Variants in ITGA3 observed in about 807,000 individuals in gnomAD.
ITGA3 encodes integrin alpha-3.
A neutral mutation model predicts 131.1 loss-of-function variants in ITGA3; 70 were observed. That is an observed-to-expected ratio of 0.53 (90% CI 0.44 to 0.65). ITGA3 has a LOEUF of 0.65. Ranked by LOEUF, ITGA3 falls within the 30% of genes least tolerant of loss-of-function variation. ITGA3 has a pLI of 0.00. For missense variants in ITGA3, 1,098 were observed against 1,388.6 expected (o/e 0.79, Z 3.33); for synonymous variants, 537 against 571.6 (o/e 0.94, Z 0.86).
Position 50,072,189 on chromosome 17 carries a change from G to GCCAGCACTCCTCCC in ITGA3, c.1156+15_1156+28dup, listed in dbSNP as rs1567699739. 6.2e-7 allele frequency: 1 copy of GCCAGCACTCCTCCC among 1,609,488 alleles called. No homozygotes were observed. Among genetic ancestry groups the GCCAGCACTCCTCCC allele is most frequent in the East Asian group, 2.2e-5 (1 of 44,828 alleles). On this transcript the variant is annotated splice_region_variant and intron_variant, in intron 7 of 25. Coordinates refer to ENST00000320031, the MANE Select transcript of ITGA3 (RefSeq NM_002204.4). The stretch of plus-strand genomic sequence containing the variant: ...AACCAGGATGGATTTCAGGGTATGA[G>GCCAGCACTCCTCCC]CCAGCACTCCTCCCCCAGCACCCCT...
chr17:50,075,399 G>C (rs900001567), intron 10 of ITGA3, 60 bp from the exon 11 acceptor site: 1 of 1,563,146 alleles, frequency 6.4e-7, no homozygotes, highest in African/African-American at 1.4e-5. Flanking sequence ...AGAGGCGAGA[G>C]CTAGGGCCTG....
At chr17:50,071,566 G>A (rs1266718755) in intron 6 of ITGA3, 48 bp downstream of exon 6, 3 of 1,518,740 alleles carry the variant, frequency 2.0e-6, no homozygotes, top group South Asian at 2.4e-5. Flanking sequence ...CGATGGGCGG[G>A]GGAAGGCTTA....
rs1282931081 is a variant in ITGA3 at position 50,088,381 on chromosome 17, G to A, written c.*31+15G>A. 4.9e-6 allele frequency: 7 copies of A among 1,420,172 alleles called. No homozygotes were observed. The highest frequency in any genetic ancestry group is 4.3e-5 in the African/African-American group (3 of 70,548). The allele number at this position is 1,420,172 out of a possible 1,614,324, so 88.0% of individuals were successfully genotyped here. Reference sequence around the variant, plus strand: ...GGCCCACCTGGGTAACACGGCCTCCGGGCCCCCTTCCCCGAGCCCCACAGC... The same window carrying A: ...GGCCCACCTGGGTAACACGGCCTCCAGGCCCCCTTCCCCGAGCCCCACAGC... On this transcript the variant is annotated intron_variant, in intron 25 of 25. Coordinates refer to ENST00000320031, the MANE Select transcript of ITGA3 (RefSeq NM_002204.4).
At chr17:50,074,765 A>T (rs551866634) in intron 10 of ITGA3, among the ~76,000 whole-genome samples, 66 of 152,276 alleles carry the variant, frequency 4.3e-4, no homozygotes, top group African/African-American at 1.5e-3. Context: ...GGAGCTCTGG[A>T]CGGCCTGGTT....
chr17:50,086,592 A>T (rs1164778294), intron 23 of ITGA3: 1 of 149,100 alleles, frequency 6.7e-6, no homozygotes, highest in African/African-American at 2.5e-5. Flanking sequence ...GGGAGGCTGC[A>T]GCAGGAGAAT....
intron 22 of ITGA3, among the ~76,000 whole-genome samples, chr17:50,080,870 A>T (rs1909158438): frequency 6.6e-6 from 1 of 152,092 alleles, no homozygotes; most frequent in South Asian, 2.1e-4. Context: ...ATCTAGACCA[A>T]ACTTTTTCTG....
intron 23 of ITGA3, chr17:50,087,508 C>A: frequency 2.1e-6 from 1 of 467,526 alleles, no homozygotes; most frequent in Non-Finnish European, 3.9e-6. Context: ...ACCCAGACTC[C>A]AGGCCACCTC....
At chr17:50,087,553 G>C (rs1598200396) in intron 23 of ITGA3, 191 bp from the exon 24 acceptor site, 2 of 578,890 alleles carry the variant, frequency 3.5e-6, no homozygotes, top group South Asian at 5.1e-5. Context: ...AGTCAAGTCT[G>C]TGCCTGGGAG....
chr17:50,057,837 G>A (rs1567695042), intron 1 of ITGA3, among the ~76,000 whole-genome samples: 6 of 152,160 alleles, frequency 3.9e-5, no homozygotes, highest in African/African-American at 7.2e-5. Flanking sequence ...CTCTGCCCCC[G>A]CCTTGGTTCT....
chr17:50,082,258 A>G (rs7406303), intron 23 of ITGA3, among the ~76,000 whole-genome samples: 100,349 of 152,028 alleles, frequency 0.66, 35,162 homozygotes, highest in Non-Finnish European at 0.8. Context: ...TGATCACTGC[A>G]AGCTCTGCCT....
intron 25 of ITGA3, 69 bp downstream of exon 25, chr17:50,088,435 G>T (rs958579264): frequency 3.8e-6 from 3 of 788,856 alleles, no homozygotes; most frequent in Admixed American, 2.2e-5. Flanking sequence ...TGTCCTATCT[G>T]CTCCTCTTCC....
Position 50,070,902 on chromosome 17 carries a change from C to T in ITGA3, c.723C>T (p.Asp241=). ...EWDLSEYSYK[D]PEDQGNLYIG... ...ACTTATCTGAGTATAGTTACAAGGA[C>T]CCAGAGGACCAAGGAAACCTCTATA... The change falls in exon 5 of 26, where the codon GAC becomes GAT. Residue 241 remains aspartate, a synonymous_variant. Coordinates refer to ENST00000320031, the MANE Select transcript of ITGA3 (RefSeq NM_002204.4). 3.1e-6 allele frequency: 5 copies of T among 1,610,804 alleles called. No homozygotes were observed. Among genetic ancestry groups the T allele is most frequent in the Non-Finnish European group, 4.2e-6 (5 of 1,177,202 alleles).
chr17:50,078,062 C>T lies in ITGA3; in HGVS notation c.2156C>T (p.Ala719Val). The change falls in exon 17 of 26, where the codon GCC becomes GTC. Residue 719 changes from alanine to valine, a missense_variant. Ala to Val is a moderately conservative substitution (Grantham distance 64). This residue lies in a region of ITGA3 where 699 missense variants were observed against 829.2 expected (regional missense o/e 0.84). Transcript: ENST00000320031. ...TTGTGGCAGATGGAGCTGCTCATCG[C>T]CTTTGAGGTCATCGGGGTGACCCTG... ...KRNQRMELLIAFEVIGVTLHT... is the reference protein window; with the variant it reads ...KRNQRMELLIVFEVIGVTLHT... The T allele has an allele frequency of 6.2e-7, 1 of 1,613,130 alleles. No individual in the cohort carries two copies. Among genetic ancestry groups the T allele is most frequent in the East Asian group, 2.2e-5 (1 of 44,846 alleles).
chr17:50,060,042 G>A (rs534414390), intron 1 of ITGA3, among the ~76,000 whole-genome samples: 11 of 152,262 alleles, frequency 7.2e-5, no homozygotes, highest in Admixed American at 5.2e-4. Context: ...CCACAGGGCC[G>A]GCCTCTGGGG....
intron 25 of ITGA3, among the ~76,000 whole-genome samples, chr17:50,088,860 G>C (rs544436233): frequency 6.6e-6 from 1 of 152,140 alleles, no homozygotes; most frequent in Non-Finnish European, 1.5e-5. Context: ...TCCATCCACT[G>C]TCTCTGCAGC....
At chr17:50,076,743 C>G in intron 14 of ITGA3, 62 bp downstream of exon 14, 1 of 1,369,154 alleles carries the variant, frequency 7.3e-7, no homozygotes, top group Middle Eastern at 1.8e-4. Flanking sequence ...CATTAACTGG[C>G]AGGGTGGGGG....
In ITGA3 at chr17:50,076,566, C is replaced by A; in HGVS notation, c.1825-18C>A. The A allele has an allele frequency of 6.2e-7, 1 of 1,611,472 alleles. No homozygotes were observed. The highest frequency in any genetic ancestry group is 8.5e-7 in the Non-Finnish European group (1 of 1,179,244). On this transcript the variant is annotated intron_variant, in intron 13 of 25. Coordinates refer to ENST00000320031, the MANE Select transcript of ITGA3 (RefSeq NM_002204.4). ...TGGGGGGGGTGGTGCGGCCTTCACA[C>A]CTCCGGCCACCCCCCAGGTCCAGTT...
intron 3 of ITGA3, among the ~76,000 whole-genome samples, chr17:50,066,436 C>T (rs531642762): frequency 4.6e-4 from 69 of 151,496 alleles, no homozygotes; most frequent in Admixed American, 4.2e-3. Context: ...CCTCCTGCCT[C>T]GGCCTCCCAA....
rs1159713169 is a variant in ITGA3 at position 50,079,091 on chromosome 17, G to A, written c.2416G>A (p.Glu806Lys). The A allele has an allele frequency of 6.2e-7, 1 of 1,613,734 alleles. No individual in the cohort carries two copies. Reference sequence around the variant, plus strand: ...GTGCCCACAGGTGGGCCCAATGGGGGAGGGGCTGGTGGGCCTGGGGACCCT... The same window carrying A: ...GTGCCCACAGGTGGGCCCAATGGGGAAGGGGCTGGTGGGCCTGGGGACCCT... ...KYEFQVGPMG[E>K]GLVGLGTLVL... The change falls in exon 20 of 26, where the codon GAG becomes AAG. Residue 806 changes from glutamate to lysine, a missense_variant. Glu to Lys is a moderately conservative substitution (Grantham distance 56). Around this residue, in one of 3 missense-constraint regions of ITGA3, gnomAD observed 699 missense variants for 829.2 expected, o/e 0.84. Transcript: ENST00000320031.
Sources: allele counts gnomAD v4.1 joint callset (sites outside exome capture counted in the v4.1 genomes callset), GRCh38; gene constraint gnomAD v4.1.1; regional missense constraint gnomAD v4.1.1; transcripts MANE v1.5; gene names NCBI Gene and HGNC (gene_info 2026-07-23, HGNC 2026-07-21).